CHCHD3: variants seen among roughly 807,000 people sequenced by gnomAD.
CHCHD3 encodes MICOS complex subunit MIC19.
CHCHD3 carries 20 observed loss-of-function variants against 38.2 expected under a neutral mutation model. The observed-to-expected ratio is 0.52, with a 90% confidence interval of 0.37 to 0.76. The LOEUF (loss-of-function observed/expected upper bound fraction) is 0.76, where lower values mean the gene tolerates loss of function less well. Ranked by LOEUF, CHCHD3 falls within the 30% of genes least tolerant of loss-of-function variation. CHCHD3 has a pLI of 0.00. For synonymous variants in CHCHD3, 82 were observed against 100.0 expected (o/e 0.82, Z 1.07); for missense variants, 245 against 279.2 (o/e 0.88, Z 0.87).
chr7:132,903,110 A>G (rs1179271379), intron 4 of CHCHD3, among the ~76,000 whole-genome samples: 1 of 152,220 alleles, frequency 6.6e-6, no homozygotes, highest in Non-Finnish European at 1.5e-5. Flanking sequence ...GTCTCTCAGT[A>G]TCTGCAAGGG....
At chr7:132,853,380 G>A (rs937344500) in intron 5 of CHCHD3, among the ~76,000 whole-genome samples, 15 of 152,172 alleles carry the variant, frequency 9.9e-5, no homozygotes, top group African/African-American at 3.6e-4. Flanking sequence ...AGCACTCTGG[G>A]AGGGCCAAGG....
intron 6 of CHCHD3, among the ~76,000 whole-genome samples, chr7:132,829,377 C>A (rs890750386): frequency 2.0e-5 from 3 of 152,002 alleles, no homozygotes; most frequent in Non-Finnish European, 4.4e-5. Flanking sequence ...TTTCATATAA[C>A]CATGTAGGGT....
At chr7:132,971,117 T>C (rs1811602554) in intron 4 of CHCHD3, among the ~76,000 whole-genome samples, 1 of 152,122 alleles carries the variant, frequency 6.6e-6, no homozygotes, top group Non-Finnish European at 1.5e-5. Flanking sequence ...TGACAGCAAA[T>C]ATTAGATCAC....
At chr7:133,030,504 C>A (rs1813470302) in intron 2 of CHCHD3, among the ~76,000 whole-genome samples, 1 of 152,156 alleles carries the variant, frequency 6.6e-6, no homozygotes, top group Admixed American at 6.5e-5. Flanking sequence ...TCTTTGGGAA[C>A]TGGCAAAGTT....
intron 5 of CHCHD3, among the ~76,000 whole-genome samples, chr7:132,851,633 T>A (rs1808221407): frequency 6.6e-6 from 1 of 152,208 alleles, no homozygotes; most frequent in African/African-American, 2.4e-5. Flanking sequence ...AGAAGGGTTA[T>A]CACAAGAATT....
chr7:132,872,272 G>A (rs1808784270), intron 5 of CHCHD3, among the ~76,000 whole-genome samples: 1 of 152,162 alleles, frequency 6.6e-6, no homozygotes, highest in South Asian at 2.1e-4. Flanking sequence ...AAACTTGTGT[G>A]ACTAAACCTA....
chr7:132,972,781 G>A, intron 4 of CHCHD3: 3 of 985,368 alleles, frequency 3.0e-6, no homozygotes, highest in Non-Finnish European at 3.6e-6. Flanking sequence ...TACAACAGAT[G>A]CTGAAATACA....
chr7:132,879,353 C>T (rs1465671318), intron 5 of CHCHD3, among the ~76,000 whole-genome samples: 1 of 152,078 alleles, frequency 6.6e-6, no homozygotes, highest in East Asian at 1.9e-4. Flanking sequence ...TTTCTGATTT[C>T]CCTCAGCTCC....
At chr7:132,991,264 C>G (rs935622366) in intron 3 of CHCHD3, among the ~76,000 whole-genome samples, 3 of 151,950 alleles carry the variant, frequency 2.0e-5, no homozygotes, top group Admixed American at 2.0e-4. Context: ...TGTTTATAAG[C>G]TTTGATTGTA....
At chr7:132,822,549 A>G (rs950051502) in intron 6 of CHCHD3, among the ~76,000 whole-genome samples, 2 of 152,124 alleles carry the variant, frequency 1.3e-5, no homozygotes, top group Non-Finnish European at 2.9e-5. Flanking sequence ...TGACCTGTAT[A>G]GAGTTGAGTA....
At chr7:132,950,403 CT>C (rs1811009801) in intron 4 of CHCHD3, among the ~76,000 whole-genome samples, 1 of 152,170 alleles carries the variant, frequency 6.6e-6, no homozygotes, top group African/African-American at 2.4e-5. Flanking sequence ...TAATTTGCTT[CT>C]CTGAAGATCT....
intron 2 of CHCHD3, chr7:133,034,473 ATTCTT>A: frequency 6.4e-6 from 5 of 785,042 alleles, no homozygotes; most frequent in Non-Finnish European, 9.7e-6. Context: ...TGCATCTATA[ATTCTT>A]TTCAAGTCCT....
At chr7:132,798,052 G>A (rs959097082) in intron 6 of CHCHD3, among the ~76,000 whole-genome samples, 3 of 151,928 alleles carry the variant, frequency 2.0e-5, no homozygotes, top group Non-Finnish European at 4.4e-5. Flanking sequence ...GAGAACACAG[G>A]GGGAATATTT....
chr7:132,857,419 T>G (rs1358222812), intron 5 of CHCHD3, among the ~76,000 whole-genome samples: 1 of 152,156 alleles, frequency 6.6e-6, no homozygotes, highest in Non-Finnish European at 1.5e-5. Flanking sequence ...ATATATTTAT[T>G]TTTTTGAGAC....
At chr7:132,940,756 T>C (rs1363727931) in intron 4 of CHCHD3, among the ~76,000 whole-genome samples, 1 of 152,182 alleles carries the variant, frequency 6.6e-6, no homozygotes, top group East Asian at 1.9e-4. Context: ...ATAAGTGAGC[T>C]TGTTAAGAAA....
chr7:133,061,936 G>A (rs756665984), intron 2 of CHCHD3, among the ~76,000 whole-genome samples: 9 of 152,160 alleles, frequency 5.9e-5, no homozygotes, highest in Admixed American at 2.0e-4. Context: ...AGCCCTGGGG[G>A]CAGAGAAGGT....
At chr7:132,813,088 C>G (rs1416767626) in intron 6 of CHCHD3, among the ~76,000 whole-genome samples, 1 of 152,192 alleles carries the variant, frequency 6.6e-6, no homozygotes, top group African/African-American at 2.4e-5. Context: ...CCAGAAGCTC[C>G]AAAAGGGCAG....
intron 2 of CHCHD3, among the ~76,000 whole-genome samples, chr7:133,056,560 A>G (rs1167019911): frequency 6.6e-6 from 1 of 152,168 alleles, no homozygotes; most frequent in African/African-American, 2.4e-5. Flanking sequence ...CACTTAGTAC[A>G]GTGTCTGGCA....
At chr7:132,856,536 G>C (rs991540070) in intron 5 of CHCHD3, among the ~76,000 whole-genome samples, 2 of 152,188 alleles carry the variant, frequency 1.3e-5, no homozygotes, top group African/African-American at 4.8e-5. Context: ...AGACATTACA[G>C]GGCAAAGAAA....
Sources: allele counts gnomAD v4.1 joint callset (sites outside exome capture counted in the v4.1 genomes callset), GRCh38; gene constraint gnomAD v4.1.1; transcripts MANE v1.5; gene names NCBI Gene and HGNC (gene_info 2026-07-23, HGNC 2026-07-21).